The following HOOK3 variants were observed in gnomAD, a reference collection of about 807,000 sequenced individuals.
The protein encoded by HOOK3 is protein Hook homolog 3.
A neutral mutation model predicts 116.3 loss-of-function variants in HOOK3; 24 were observed. The ratio of observed to expected loss-of-function variants is 0.21; its 90% confidence interval spans 0.15 to 0.29. HOOK3 has a LOEUF of 0.29. Among genes scored for constraint, HOOK3 ranks in the 10% least tolerant of loss-of-function variants. The pLI is 1.00. For missense variants in HOOK3, 632 were observed against 830.2 expected (o/e 0.76, Z 2.93); for synonymous variants, 275 against 283.0 (o/e 0.97, Z 0.28).
At chr8:42,909,415 C>T (rs564203215) in intron 2 of HOOK3, among the ~76,000 whole-genome samples, 1 of 152,170 alleles carries the variant, frequency 6.6e-6, no homozygotes, top group Non-Finnish European at 1.5e-5. Context: ...GCGAATGGAT[C>T]GATGAGAAAG....
intron 11 of HOOK3, among the ~76,000 whole-genome samples, chr8:42,969,831 T>A (rs1022470392): frequency 6.6e-6 from 1 of 152,148 alleles, no homozygotes; most frequent in East Asian, 1.9e-4. Flanking sequence ...CTTTTACTGA[T>A]TTCTAAAGGT....
At chr8:42,950,763 G>T (rs994376594) in intron 6 of HOOK3, among the ~76,000 whole-genome samples, 2 of 151,632 alleles carry the variant, frequency 1.3e-5, no homozygotes, top group African/African-American at 4.8e-5. Context: ...TGGGCTCACT[G>T]CAACTTCCAC....
rs193188569 is a variant in HOOK3 at position 42,999,964 on chromosome 8, G to A, written c.1621-2143G>A. Among the ~76,000 whole-genome samples the A allele has an allele frequency of 8.6e-4, 131 of 152,160 alleles. No individual in the cohort carries two copies. The Middle Eastern group carries it at 0.01, about 12-fold the overall frequency. Reference sequence around the variant, plus strand: ...GATCGAGATCATCCTGACTAACATGGTGAAACCCCATCTCTACTAAAAATA... The same window carrying A: ...GATCGAGATCATCCTGACTAACATGATGAAACCCCATCTCTACTAAAAATA... On this transcript the variant is annotated intron_variant, in intron 16 of 21. Coordinates refer to ENST00000307602, the MANE Select transcript of HOOK3 (RefSeq NM_032410.4).
chr8:43,015,054 C>T (rs546934387), intron 21 of HOOK3, among the ~76,000 whole-genome samples: 103 of 151,594 alleles, frequency 6.8e-4, no homozygotes, highest in African/African-American at 2.4e-3. Flanking sequence ...GGCTGAGGCA[C>T]GAGAATCGCT....
At chr8:43,012,568 T>TC (rs1809633665) in intron 19 of HOOK3, among the ~76,000 whole-genome samples, 1 of 152,202 alleles carries the variant, frequency 6.6e-6, no homozygotes, top group Non-Finnish European at 1.5e-5. Flanking sequence ...AATTTTTACT[T>TC]CAAGTTACAA....
Position 42,974,115 on chromosome 8 carries a change from A to G in HOOK3, c.1242A>G (p.Arg414=). 1 of 1,613,416 alleles carries G rather than the reference A, an allele frequency of 6.2e-7. No homozygotes were observed. ...DSLQKEKDRL[R]TERDSLKETI... is the part of the protein sequence containing the mutation. ...TTTTTGTGTCTCTCCAGAGGCTGAGAACAGAAAGGGATTCTCTGAAGGAAA... is the reference window on the plus strand; with the variant it reads ...TTTTTGTGTCTCTCCAGAGGCTGAGGACAGAAAGGGATTCTCTGAAGGAAA... The change falls in exon 13 of 22, where the codon AGA becomes AGG. Residue 414 remains arginine (R), a synonymous_variant. Transcript: ENST00000307602.
chr8:42,959,579 T>C (rs1349402611), intron 8 of HOOK3, among the ~76,000 whole-genome samples: 1 of 151,158 alleles, frequency 6.6e-6, no homozygotes, highest in African/African-American at 2.4e-5. Context: ...ATTAGCCGGG[T>C]GTGATGGCGG....
At chr8:42,970,493 A>G (rs540190316) in intron 11 of HOOK3, among the ~76,000 whole-genome samples, 9 of 152,190 alleles carry the variant, frequency 5.9e-5, no homozygotes, top group Non-Finnish European at 8.8e-5. Flanking sequence ...CTGTCTGAAC[A>G]TGATACCTTT....
chr8:42,908,959 A>G (rs1426633216), intron 2 of HOOK3, among the ~76,000 whole-genome samples: 2 of 152,258 alleles, frequency 1.3e-5, no homozygotes, highest in Admixed American at 6.5e-5. Context: ...AAGCACCTGA[A>G]TATCAAGAGA....
At chr8:43,014,339 C>CATTTATTT (rs574484549) in intron 21 of HOOK3, among the ~76,000 whole-genome samples, 48 of 149,094 alleles carry the variant, frequency 3.2e-4, no homozygotes, top group Admixed American at 1.7e-3. Context: ...GACCAGATTC[C>CATTTATTT]ATTTATTTAT....
chr8:42,948,896 G>A (rs1217278272), intron 5 of HOOK3, among the ~76,000 whole-genome samples: 1 of 152,212 alleles, frequency 6.6e-6, no homozygotes, highest in African/African-American at 2.4e-5. Context: ...ATGTATATTT[G>A]TACTTATAAC....
At chr8:42,963,339 A>G (rs2130419383) in intron 8 of HOOK3, among the ~76,000 whole-genome samples, 1 of 152,358 alleles carries the variant, frequency 6.6e-6, no homozygotes, top group Admixed American at 6.5e-5. Context: ...GTAGGTGCTC[A>G]GAAACATTCA....
At chr8:42,931,609 T>G (rs1456102650) in intron 4 of HOOK3, among the ~76,000 whole-genome samples, 5 of 150,802 alleles carry the variant, frequency 3.3e-5, no homozygotes, top group African/African-American at 4.9e-5. Flanking sequence ...TTTTTTTGTA[T>G]TTTTAGTAGA....
intron 2 of HOOK3, among the ~76,000 whole-genome samples, chr8:42,921,698 C>A (rs866835142): frequency 1.2e-4 from 18 of 152,214 alleles, no homozygotes; most frequent in Middle Eastern, 6.8e-3. Context: ...TTGAGGTTTT[C>A]CTGGGGATTT....
Position 42,936,081 on chromosome 8 carries a change from T to C in HOOK3, c.267+5909T>C, listed in dbSNP as rs543236543. ...TCTTATTTCCTTGAGCAGTGGTTTGTAGTTCTCCTTGAAGAGGTCCTTCAC... is the reference window on the plus strand; with the variant it reads ...TCTTATTTCCTTGAGCAGTGGTTTGCAGTTCTCCTTGAAGAGGTCCTTCAC... On this transcript the variant is annotated intron_variant, in intron 4 of 21. Coordinates refer to ENST00000307602, the MANE Select transcript of HOOK3 (RefSeq NM_032410.4). Among the ~76,000 whole-genome samples the C allele has an allele frequency of 2.0e-5, 3 of 152,368 alleles. No homozygotes were observed. In the East Asian group the frequency reaches 5.8e-4, roughly 29 times the overall value.
At chr8:42,966,204 TTGTA>T (rs1808629780) in intron 9 of HOOK3, among the ~76,000 whole-genome samples, 1 of 152,168 alleles carries the variant, frequency 6.6e-6, no homozygotes, top group Non-Finnish European at 1.5e-5. Flanking sequence ...AGCCCTTAAA[TTGTA>T]TCTGCAATAT....
At chr8:43,018,202 A>T (rs774754478) in intron 21 of HOOK3, among the ~76,000 whole-genome samples, 156 bp from the exon 22 acceptor site, 2 of 152,230 alleles carry the variant, frequency 1.3e-5, no homozygotes, top group East Asian at 1.9e-4. Context: ...GGGAACTAAA[A>T]TGCCTCTATG....
At chr8:42,902,019 T>TTAG (rs1454679575) in intron 1 of HOOK3, among the ~76,000 whole-genome samples, 1 of 152,146 alleles carries the variant, frequency 6.6e-6, no homozygotes, top group Non-Finnish European at 1.5e-5. Flanking sequence ...AGATCAAGTC[T>TTAG]TAACAACTAA....
intron 5 of HOOK3, chr8:42,949,481 A>G (rs913562531): frequency 5.3e-5 from 8 of 152,216 alleles, no homozygotes; most frequent in South Asian, 2.1e-4. Flanking sequence ...ATAACTCACT[A>G]CCTTTAGACC....
Sources: allele counts gnomAD v4.1 joint callset (sites outside exome capture counted in the v4.1 genomes callset), GRCh38; gene constraint gnomAD v4.1.1; transcripts MANE v1.5; gene names NCBI Gene and HGNC (gene_info 2026-07-23, HGNC 2026-07-21).